The following MZT1 variants were observed in gnomAD, a reference collection of about 807,000 sequenced individuals.
MZT1 encodes the protein mitotic-spindle organizing protein 1.
A neutral mutation model predicts 8.5 loss-of-function variants in MZT1; 8 were observed. The ratio of observed to expected loss-of-function variants is 0.94; its 90% CI spans 0.55 to 1.70. MZT1 has a LOEUF of 1.70. MZT1 is among the 40% of genes most tolerant of loss of function. MZT1 has a pLI of 0.00. For missense variants in MZT1, 93 were observed against 108.6 expected, an observed-to-expected ratio of 0.86 and a Z score of 0.64; for synonymous variants, 38 against 42.0, an observed-to-expected ratio of 0.90 and a Z score of 0.37.
chr13:72,724,719 C>CATATATAT (rs1217685191), intron 1 of MZT1, among the ~76,000 whole-genome samples: 3 of 27,794 alleles, frequency 1.1e-4, no homozygotes, highest in African/African-American at 2.2e-4. Context: ...TATATATATA[C>CATATATAT]ATATATATAT....
chr13:72,727,284 C>A (rs1431970684), intron 1 of MZT1, among the ~76,000 whole-genome samples: 3 of 152,170 alleles, frequency 2.0e-5, no homozygotes, highest in Non-Finnish European at 4.4e-5. Context: ...GGACGCGGTG[C>A]GCAACCGGCT....
chr13:72,719,491 A>G (rs1398326475), intron 1 of MZT1, among the ~76,000 whole-genome samples: 1 of 152,184 alleles, frequency 6.6e-6, no homozygotes, highest in Non-Finnish European at 1.5e-5. Flanking sequence ...TTACTTTAAA[A>G]GTTAGGCTGC....
At chr13:72,719,752 AT>A (rs1351890507) in intron 1 of MZT1, among the ~76,000 whole-genome samples, 1 of 152,146 alleles carries the variant, frequency 6.6e-6, no homozygotes, top group Non-Finnish European at 1.5e-5. Context: ...GAAACCTTAT[AT>A]TTTTTAAACT....
intron 2 of MZT1, among the ~76,000 whole-genome samples, chr13:72,711,797 A>G (rs1389962811): frequency 6.6e-6 from 1 of 152,180 alleles, no homozygotes. Context: ...AGGGTGGTCA[A>G]GGAAAGGCAG....
intron 1 of MZT1, among the ~76,000 whole-genome samples, chr13:72,726,465 G>A (rs1297268697): frequency 6.6e-6 from 1 of 152,060 alleles, no homozygotes; most frequent in African/African-American, 2.4e-5. Context: ...GTGAAGGAGA[G>A]AGAGATACAG....
At position 72,709,467 on chromosome 13, in the gene MZT1, A is replaced by G. The variant is rs776378705; in HGVS notation, c.*855T>C. On this transcript the variant is annotated 3_prime_UTR_variant, in exon 3 of 3. Coordinates refer to ENST00000377818, the MANE Select transcript of MZT1 (RefSeq NM_001071775.3). Reference sequence around the variant, plus strand: ...GTAAGCACTAAAATTACTTTTATGTAATAAAAGTAAATAGGAATTTTGCAT... The same window carrying G: ...GTAAGCACTAAAATTACTTTTATGTGATAAAAGTAAATAGGAATTTTGCAT... 3.9e-5 allele frequency: 6 copies of G among 152,106 alleles called. No individual in the cohort carries two copies. The highest frequency in any genetic ancestry group is 8.8e-5 in the Non-Finnish European group (6 of 67,932). 9.4% of individuals were successfully genotyped at this position (152,106 alleles called of 1,614,324 possible). A position where few individuals can be genotyped will look rare whatever the true frequency, so the allele number is the denominator to read the frequency against.
At chr13:72,717,027 T>C (rs9543095) in intron 2 of MZT1, among the ~76,000 whole-genome samples, 48,958 of 152,066 alleles carry the variant, frequency 0.32, 8,927 homozygotes, top group East Asian at 0.5. Context: ...TGTGTTGAGA[T>C]GGTTGACTGG....
At chr13:72,723,089 TTC>T (rs1249345984) in intron 1 of MZT1, among the ~76,000 whole-genome samples, 1 of 152,144 alleles carries the variant, frequency 6.6e-6, no homozygotes, top group African/African-American at 2.4e-5. Context: ...ATTCTCTCCC[TTC>T]TCTCTCCAGT....
intron 1 of MZT1, among the ~76,000 whole-genome samples, chr13:72,726,226 T>G (rs1336206990): frequency 1.3e-5 from 2 of 152,116 alleles, no homozygotes; most frequent in African/African-American, 4.8e-5. Context: ...AGTCAGGAGT[T>G]CGAGACCAAC....
At chr13:72,724,376 G>C (rs111315400) in intron 1 of MZT1, among the ~76,000 whole-genome samples, 1 of 151,922 alleles carries the variant, frequency 6.6e-6, no homozygotes, top group African/African-American at 2.4e-5. Flanking sequence ...AAGAACAGGA[G>C]GCAGAGGAGG....
intron 1 of MZT1, among the ~76,000 whole-genome samples, chr13:72,724,267 G>C (rs2032617872): frequency 6.6e-6 from 1 of 152,082 alleles, no homozygotes; most frequent in South Asian, 2.1e-4. Context: ...TCTTTAAAAA[G>C]TCCAGTTATA....
Position 72,710,318 on chromosome 13 carries a change from A to C in MZT1, c.*4T>G. On this transcript the variant is annotated 3_prime_UTR_variant, in exon 3 of 3. Coordinates refer to ENST00000377818, the MANE Select transcript of MZT1 (RefSeq NM_001071775.3). ...ACATATCTCATCAGAATTTCTCCAG[A>C]AAGTCAGCTTGTCATATTTTCAGCA... The C allele has an allele frequency of 6.2e-7, 1 of 1,613,294 alleles. No homozygotes were observed. Among genetic ancestry groups the C allele is most frequent in the Non-Finnish European group, 8.5e-7 (1 of 1,179,402 alleles).
rs114092682 is a variant in MZT1, at chr13:72,723,573, A to G, written c.79+3951T>C. Among the ~76,000 whole-genome samples the G allele has an allele frequency of 5.6e-3, 856 of 152,286 alleles. 10 individuals are homozygous for G. Among genetic ancestry groups the G allele is most frequent in the African/African-American group, 0.019 (789 of 41,554 alleles). The stretch of plus-strand genomic sequence containing the variant: ...GCTATGTGTATAAGGTATATATAAA[A>G]CATACAAGAATTCTGTGTTTGGACT... On this transcript the variant is annotated intron_variant, in intron 1 of 2. Coordinates refer to ENST00000377818, the MANE Select transcript of MZT1 (RefSeq NM_001071775.3).
chr13:72,716,494 A>G, intron 2 of MZT1, among the ~76,000 whole-genome samples: 1 of 152,256 alleles, frequency 6.6e-6, no homozygotes. Context: ...TCATTGGAAA[A>G]TAATCTGAAA....
rs1366869654 is a variant in MZT1, at chr13:72,709,022, A to C, written c.*1300T>G. ...AAATCCATATTAGTTTTGCAAAAAA[A>C]CTCCACTGAGATTCTATTACAGGAA... On this transcript the variant is annotated 3_prime_UTR_variant, in exon 3 of 3. Coordinates refer to ENST00000377818, the MANE Select transcript of MZT1 (RefSeq NM_001071775.3). 2 of 151,978 alleles carry C rather than the reference A, an allele frequency of 1.3e-5. No homozygotes were observed. The highest frequency in any genetic ancestry group is 2.4e-5 in the African/African-American group (1 of 41,412). 9.4% of individuals were successfully genotyped at this position (151,978 alleles called of 1,614,324 possible).
Position 72,727,564 on chromosome 13 carries a change from G to C in MZT1, c.39C>G (p.Ala13=), listed in dbSNP as rs1408390311. 5 of 1,592,998 alleles carry C rather than the reference G, an allele frequency of 3.1e-6. No individual in the cohort carries two copies. The highest frequency in any genetic ancestry group is 4.3e-6 in the Non-Finnish European group (5 of 1,165,528). Residue 13 remains alanine, a synonymous_variant, in exon 1 of 3, where the codon GCC becomes GCG. Transcript: ENST00000377818. Reference sequence around the variant, plus strand: ...GCACCGCATTCAGATTCGCCGCCGCGGCCGCCGCCGCCGCCCCAGCACCGC... The same window carrying C: ...GCACCGCATTCAGATTCGCCGCCGCCGCCGCCGCCGCCGCCCCAGCACCGC... The part of the protein sequence containing the change: ...SSSGAGAAAA[A]AAANLNAVRE...
intron 1 of MZT1, among the ~76,000 whole-genome samples, chr13:72,726,617 A>C (rs2032662478): frequency 6.6e-6 from 1 of 152,110 alleles, no homozygotes; most frequent in Admixed American, 6.5e-5. Context: ...AAGGAGACAA[A>C]GAAAGAAGAC....
At chr13:72,712,413 C>A (rs1380491679) in intron 2 of MZT1, among the ~76,000 whole-genome samples, 1 of 152,192 alleles carries the variant, frequency 6.6e-6, no homozygotes, top group African/African-American at 2.4e-5. Context: ...TTTGGCCTCC[C>A]AAAGTGCTGG....
At chr13:72,721,823 T>C (rs1175318366) in intron 1 of MZT1, among the ~76,000 whole-genome samples, 2 of 152,226 alleles carry the variant, frequency 1.3e-5, no homozygotes, top group South Asian at 2.1e-4. Flanking sequence ...AAATCTAATC[T>C]CTGTTACTCC....
Sources: gnomAD v4.1 joint callset for allele counts (sites outside exome capture counted in the v4.1 genomes callset) on GRCh38, gnomAD v4.1.1 for gene constraint, MANE v1.5 for transcripts, NCBI Gene and HGNC (gene_info 2026-07-23, HGNC 2026-07-21) for gene names.